Variants in MECOM observed in about 807,000 individuals in gnomAD.
MECOM encodes histone-lysine N-methyltransferase MECOM.
Under a neutral mutation model 116.3 loss-of-function variants are expected in MECOM, and 13 were observed. The observed-to-expected ratio is 0.11, with a 90% CI of 0.07 to 0.18. The LOEUF (loss-of-function observed/expected upper bound fraction) is 0.18, where lower values mean the gene tolerates loss of function less well. Ranked by LOEUF, MECOM falls within the 10% of genes least tolerant of loss-of-function variation. The probability of loss-of-function intolerance (pLI) is 1.00; values close to 1 mark genes in which losing one functional copy is unlikely to be tolerated. For missense variants in MECOM, 1,299 were observed against 1,509.0 expected, an observed-to-expected ratio of 0.86 and a Z score of 2.31; for synonymous variants, 528 against 535.2, an observed-to-expected ratio of 0.99 and a Z score of 0.19.
intron 2 of MECOM, among the ~76,000 whole-genome samples, chr3:169,290,230 CACTTGAGAT>C (rs1714243374): frequency 6.6e-6 from 1 of 152,014 alleles, no homozygotes; most frequent in Non-Finnish European, 1.5e-5. Flanking sequence ...TTATGGGGCA[CACTTGAGAT>C]ATTTTTGGGA....
At chr3:169,296,772 T>A (rs754221064) in intron 2 of MECOM, among the ~76,000 whole-genome samples, 1 of 152,214 alleles carries the variant, frequency 6.6e-6, no homozygotes, top group Non-Finnish European at 1.5e-5. Context: ...AGAACTGACC[T>A]ACAATGCTTC....
At chr3:169,273,900 T>C (rs1383044562) in intron 2 of MECOM, among the ~76,000 whole-genome samples, 1 of 145,802 alleles carries the variant, frequency 6.9e-6, no homozygotes, top group African/African-American at 2.6e-5. Flanking sequence ...GACTCACACC[T>C]CTCCAAAGCT....
At chr3:169,355,292 A>C (rs1381512860) in intron 2 of MECOM, among the ~76,000 whole-genome samples, 1 of 152,028 alleles carries the variant, frequency 6.6e-6, no homozygotes, top group East Asian at 1.9e-4. Flanking sequence ...TTCATTTTGC[A>C]AAATCACAGA....
intron 1 of MECOM, among the ~76,000 whole-genome samples, chr3:169,618,609 A>G (rs1016456311): frequency 4.0e-5 from 6 of 151,826 alleles, no homozygotes; most frequent in African/African-American, 1.5e-4. Context: ...GTGAGCCGAG[A>G]TCACACCACT....
intron 2 of MECOM, among the ~76,000 whole-genome samples, chr3:169,161,510 C>T (rs1474905620): frequency 1.3e-5 from 2 of 152,022 alleles, no homozygotes; most frequent in African/African-American, 2.4e-5. Context: ...ATACTGGTCA[C>T]AGATTAAAGA....
chr3:169,383,987 T>C (rs1171562447), intron 1 of MECOM, among the ~76,000 whole-genome samples: 1 of 152,202 alleles, frequency 6.6e-6, no homozygotes, highest in Admixed American at 6.5e-5. Context: ...CATTTAACAC[T>C]AGTATTCTCT....
chr3:169,329,427 C>A (rs942331817), intron 2 of MECOM, among the ~76,000 whole-genome samples: 9 of 152,154 alleles, frequency 5.9e-5, no homozygotes, highest in African/African-American at 2.2e-4. Context: ...GACATTGTTA[C>A]CTTCAAAACT....
chr3:169,479,986 T>A (rs1488649714), intron 1 of MECOM, among the ~76,000 whole-genome samples: 18 of 152,222 alleles, frequency 1.2e-4, no homozygotes, highest in Admixed American at 1.2e-3. Flanking sequence ...GAGGCCTGAA[T>A]GCTAATCCAT....
intron 1 of MECOM, among the ~76,000 whole-genome samples, chr3:169,511,592 T>C (rs767068685): frequency 3.0e-4 from 45 of 152,164 alleles, no homozygotes; most frequent in East Asian, 3.9e-4. Flanking sequence ...CAAAACCCCG[T>C]CTCTTCTTTA....
intron 2 of MECOM, among the ~76,000 whole-genome samples, chr3:169,243,801 C>T (rs1755200443): frequency 6.6e-6 from 1 of 152,182 alleles, no homozygotes; most frequent in Non-Finnish European, 1.5e-5. Context: ...CCGGAGTTTA[C>T]TTAAACTCAT....
chr3:169,662,690 C>T (rs1577350532), intron 1 of MECOM, among the ~76,000 whole-genome samples: 3 of 151,946 alleles, frequency 2.0e-5, no homozygotes, highest in African/African-American at 4.8e-5. Context: ...CGCCCACTAC[C>T]GCAGCCGCGG....
intron 1 of MECOM, among the ~76,000 whole-genome samples, chr3:169,612,567 G>A (rs535509498): frequency 6.6e-6 from 1 of 152,030 alleles, no homozygotes; most frequent in Non-Finnish European, 1.5e-5. Context: ...TCATCCAAAT[G>A]CTGTTTTATA....
intron 1 of MECOM, among the ~76,000 whole-genome samples, chr3:169,626,531 A>G (rs1307667147): frequency 6.6e-6 from 1 of 152,232 alleles, no homozygotes; most frequent in African/African-American, 2.4e-5. Flanking sequence ...TGATCTCATT[A>G]GAACACTGAG....
At chr3:169,376,930 T>G (rs1242449520) in intron 2 of MECOM, among the ~76,000 whole-genome samples, 1 of 152,146 alleles carries the variant, frequency 6.6e-6, no homozygotes, top group Non-Finnish European at 1.5e-5. Flanking sequence ...CAAACTATAC[T>G]ATAAGGCTAC....
At chr3:169,407,398 A>T (rs560200545) in intron 1 of MECOM, among the ~76,000 whole-genome samples, 7 of 152,368 alleles carry the variant, frequency 4.6e-5, no homozygotes, top group Admixed American at 2.0e-4. Context: ...TTAAAGCTTC[A>T]TGAAAATTTA....
At chr3:169,313,636 G>A (rs375902699) in intron 2 of MECOM, among the ~76,000 whole-genome samples, 1 of 152,332 alleles carries the variant, frequency 6.6e-6, no homozygotes, top group East Asian at 1.9e-4. Context: ...GATGTGGCAT[G>A]TAGATATTTT....
rs1749640235 is a variant in MECOM, at chr3:169,472,604, AAAGGAAAGG to A, written c.38-91089_38-91081del. On this transcript the variant is annotated intron_variant, in intron 1 of 16. Coordinates refer to ENST00000651503, the MANE Select transcript of MECOM (RefSeq NM_004991.4). ...AGAGGAAAGGAAAGGAAAGGAAAGG[AAAGGAAAGG>A]AAAGAAAAGAAAAGAAAAGAAAAGG... Among the ~76,000 whole-genome samples the A allele has an allele frequency of 2.2e-3, 152 of 69,902 alleles. 2 individuals are homozygous for A. Among genetic ancestry groups the A allele is most frequent in the African/African-American group, 0.013 (131 of 10,106 alleles). 45.9% of individuals were successfully genotyped at this position (69,902 alleles called of 152,430 possible). A position where few individuals can be genotyped will look rare whatever the true frequency, so the allele number is the denominator to read the frequency against.
chr3:169,661,940 C>G (rs1465098195), intron 1 of MECOM, among the ~76,000 whole-genome samples: 1 of 152,204 alleles, frequency 6.6e-6, no homozygotes, highest in Non-Finnish European at 1.5e-5. Context: ...TGTCCACTCC[C>G]GAGGCAGCTC....
At chr3:169,614,033 T>G (rs1177807564) in intron 1 of MECOM, among the ~76,000 whole-genome samples, 1 of 152,172 alleles carries the variant, frequency 6.6e-6, no homozygotes, top group Non-Finnish European at 1.5e-5. Context: ...TATGCATTAA[T>G]TCATCTCATT....
Sources: gnomAD v4.1 joint callset for allele counts (sites outside exome capture counted in the v4.1 genomes callset) on GRCh38, gnomAD v4.1.1 for gene constraint, MANE v1.5 for transcripts, NCBI Gene and HGNC (gene_info 2026-07-23, HGNC 2026-07-21) for gene names.